The following LPAR5 variants were observed in gnomAD, a reference collection of about 807,000 sequenced individuals.
The protein encoded by LPAR5 is lysophosphatidic acid receptor 5.
For synonymous variants in LPAR5, 271 were observed against 261.6 expected (o/e 1.04, Z -0.35); for missense variants, 544 against 521.8 (o/e 1.04, Z -0.41).
rs530716074 is a variant in LPAR5, at chr12:6,620,419, C to T, written c.830G>A (p.Gly277Glu). Residue 277 changes from glycine (G) to glutamate (E), a missense_variant, in exon 2 of 2, where the codon GGG (glycine) becomes GAG (glutamate). By Grantham distance (98) the Gly-to-Glu change is moderately conservative. Transcript: ENST00000329858. This position sits in a 1 kb window ranked among gnomAD's most constrained non-coding sequence, Gnocchi z 6.8. ...CAGCAGCACCATCACCATCAGCACC[C>T]CGCGCACGCGATCGCGGGCAGGCAC... Reference protein sequence around the residue: ...ASVPARDRVRGVLMVMVLLAG... With the variant: ...ASVPARDRVREVLMVMVLLAG... 111 of 1,608,496 alleles carry T rather than the reference C, an allele frequency of 6.9e-5. 1 individual carries two copies. The South Asian group carries it at 1.2e-3, about 17-fold the overall frequency.
At chr12:6,635,828 C>G (rs546360841) in intron 1 of LPAR5, 79 bp downstream of exon 1, 3 of 152,624 alleles carry the variant, frequency 2.0e-5, no homozygotes, top group East Asian at 1.9e-4. Context: ...TTCTCTGTCC[C>G]CCACCCAAAT....
At chr12:6,629,852 C>T (rs1253373983) in intron 1 of LPAR5, among the ~76,000 whole-genome samples, 2 of 150,224 alleles carry the variant, frequency 1.3e-5, no homozygotes, top group East Asian at 4.0e-4. Flanking sequence ...AGTGAAAACC[C>T]CATCTCTACT....
Position 6,620,552 on chromosome 12 carries a change from C to T in LPAR5, c.697G>A (p.Val233Met), listed in dbSNP as rs377471168. The T allele has an allele frequency of 9.6e-5, 150 of 1,559,364 alleles. No homozygotes were observed. Among genetic ancestry groups the T allele is most frequent in the Non-Finnish European group, 1.3e-4 (146 of 1,152,322 alleles). Reference sequence around the variant, plus strand: ...ACGAGGTTAGCCAGCAGGAGGCGCACGGTCTTCCGCCGCCGCTGGCTCTGC... The same window carrying T: ...ACGAGGTTAGCCAGCAGGAGGCGCATGGTCTTCCGCCGCCGCTGGCTCTGC... ...ATQSQRRRKT[V>M]RLLLANLVIF... Residue 233 changes from valine (V) to methionine (M), a missense_variant, in exon 2 of 2, where the codon GTG (valine) becomes ATG (methionine). Transcript: ENST00000329858. This position sits in a 1 kb window ranked among gnomAD's most constrained non-coding sequence, Gnocchi z 6.8.
chr12:6,620,058 T>G lies in LPAR5; in HGVS notation c.*72A>C. On this transcript the variant is annotated 3_prime_UTR_variant, in exon 2 of 2. Coordinates refer to ENST00000329858, the MANE Select transcript of LPAR5 (RefSeq NM_020400.6). The surrounding 1 kb of genome is among the most constrained non-coding windows in gnomAD (Gnocchi z 6.8). ...CAAGTGCCCAGCCCACCTTCTTGTG[T>G]GTACACCCTGTAAGCCTCCCAGAAC... The G allele has an allele frequency of 6.3e-7, 1 of 1,586,254 alleles. No individual in the cohort carries two copies.
At chr12:6,634,556 C>T (rs1048387525) in intron 1 of LPAR5, among the ~76,000 whole-genome samples, 22 of 151,944 alleles carry the variant, frequency 1.4e-4, no homozygotes, top group African/African-American at 5.3e-4. Flanking sequence ...TAGCTTGAAC[C>T]CAGGAGGCGG....
In LPAR5 at chr12:6,621,191, G is replaced by A; in HGVS notation, c.58C>T (p.Pro20Ser). Residue 20 changes from proline (P) to serine (S), a missense_variant, in exon 2 of 2, where the codon CCT (proline) becomes TCT (serine). Physicochemically the swap from Pro to Ser is moderately conservative, Grantham distance 74. Transcript: ENST00000329858. ...ACCACCAAGTGCAGGCGGTGGGTAG[G>A]TCGGTAGTCAGGACACGGGAGAACA... Reference protein sequence around the residue: ...SSVLPCPDYRPTHRLHLVVYS... With the variant: ...SSVLPCPDYRSTHRLHLVVYS... The A allele has an allele frequency of 1.3e-6, 2 of 1,555,868 alleles. No homozygotes were observed. Among genetic ancestry groups the A allele is most frequent in the Non-Finnish European group, 1.7e-6 (2 of 1,151,566 alleles).
intron 1 of LPAR5, among the ~76,000 whole-genome samples, 197 bp downstream of exon 1, chr12:6,635,710 T>C (rs573135195): frequency 6.6e-6 from 1 of 152,252 alleles, no homozygotes; most frequent in South Asian, 2.1e-4. Context: ...GTAGCAGGCA[T>C]GTTAGCTGTT....
chr12:6,620,869 A>C lies in LPAR5; in HGVS notation c.380T>G (p.Leu127Arg). The C allele has an allele frequency of 1.3e-6, 2 of 1,569,820 alleles. No individual in the cohort carries two copies. The highest frequency in any genetic ancestry group is 1.7e-6 in the Non-Finnish European group (2 of 1,157,324). ...GGGCCGCCGCAGGTGGCGCAGTCGC[A>C]GCGGGTGCACGATGGCGGCGTAGCG... ...VDRYAAIVHPLRLRHLRRPRV... is the reference protein window; with the variant it reads ...VDRYAAIVHPRRLRHLRRPRV... The change falls in exon 2 of 2, where the codon CTG (leucine) becomes CGG (arginine). Residue 127 changes from leucine to arginine, a missense_variant. Leu to Arg is a moderately radical substitution (Grantham distance 102). Coordinates refer to ENST00000329858, the MANE Select transcript of LPAR5 (RefSeq NM_020400.6). The surrounding 1 kb of genome is among the most constrained non-coding windows in gnomAD (Gnocchi z 6.8).
At chr12:6,623,305 G>T (rs907031041) in intron 1 of LPAR5, among the ~76,000 whole-genome samples, 16 of 151,672 alleles carry the variant, frequency 1.1e-4, no homozygotes, top group Non-Finnish European at 2.2e-4. Flanking sequence ...AGGCTGATGT[G>T]GGTGGATTAC....
chr12:6,620,494 C>CTGT lies in LPAR5; in HGVS notation c.752_754dup (p.Asn251dup). On this transcript the variant is annotated inframe_insertion, in exon 2 of 2. Coordinates refer to ENST00000329858, the MANE Select transcript of LPAR5 (RefSeq NM_020400.6). This position sits in a 1 kb window ranked among gnomAD's most constrained non-coding sequence, Gnocchi z 6.8. ...CAGCAGCCCGTAGACCGCCAGCGTGCTGTTGTAGGGCACGAAGCACAGCAG... is the reference window on the plus strand; with the variant it reads ...CAGCAGCCCGTAGACCGCCAGCGTGCTGTTGTTGTAGGGCACGAAGCACAGCAG... 2.5e-6 allele frequency: 4 copies of CTGT among 1,586,810 alleles called. No individual in the cohort carries two copies. The highest frequency in any genetic ancestry group is 3.4e-6 in the Non-Finnish European group (4 of 1,166,404).
intron 1 of LPAR5, among the ~76,000 whole-genome samples, chr12:6,626,282 G>GA (rs1948939308): frequency 6.6e-6 from 1 of 151,952 alleles, no homozygotes; most frequent in South Asian, 2.1e-4. Flanking sequence ...CTCAAAAAAA[G>GA]AAAAAATTTT....
intron 1 of LPAR5, among the ~76,000 whole-genome samples, chr12:6,623,043 G>A (rs1343243695): frequency 6.6e-6 from 1 of 152,074 alleles, no homozygotes; most frequent in East Asian, 1.9e-4. Flanking sequence ...TTCGAGATCA[G>A]CCTGGCCAAC....
rs545465908 is a variant in LPAR5, at chr12:6,620,280, G to T, written c.969C>A (p.Asn323Lys). The change falls in exon 2 of 2, where the codon AAC becomes AAA. Residue 323 changes from asparagine (N) to lysine (K), a missense_variant. Coordinates refer to ENST00000329858, the MANE Select transcript of LPAR5 (RefSeq NM_020400.6). The surrounding 1 kb of genome is among the most constrained non-coding windows in gnomAD (Gnocchi z 6.8). ...ATTGCGCGAGCGCCGCCCGCGTCCC[G>T]TTGGTGGCCGAGGTCCTGGCCCGGT... The part of the protein sequence containing the change: ...TPHRARTSAT[N>K]GTRAALAQSE... The T allele has an allele frequency of 6.2e-7, 1 of 1,606,018 alleles. No homozygotes were observed. The highest frequency in any genetic ancestry group is 1.3e-5 in the African/African-American group (1 of 74,902).
At position 6,621,194 on chromosome 12, in the gene LPAR5, G is replaced by C. The variant is rs752400173; in HGVS notation, c.55C>G (p.Arg19Gly). The C allele has an allele frequency of 6.4e-7, 1 of 1,553,104 alleles. No homozygotes were observed. The highest frequency in any genetic ancestry group is 1.4e-5 in the African/African-American group (1 of 73,030). Residue 19 changes from arginine to glycine, a missense_variant, in exon 2 of 2, where the codon CGA becomes GGA. Transcript: ENST00000329858. ...NSSVLPCPDY[R>G]PTHRLHLVVY... ...ACCAAGTGCAGGCGGTGGGTAGGTC[G>C]GTAGTCAGGACACGGGAGAACAGAA...
At chr12:6,626,958 T>TTCA (rs1948945354) in intron 1 of LPAR5, among the ~76,000 whole-genome samples, 1 of 152,220 alleles carries the variant, frequency 6.6e-6, no homozygotes. Context: ...CCATGGCTTA[T>TTCA]TCATCTTTGT....
rs552696370 is a variant in LPAR5 at position 6,621,000 on chromosome 12, T to C, written c.249A>G (p.Ala83=). Residue 83 remains alanine (A), a synonymous_variant, in exon 2 of 2, where the codon GCA becomes GCG. Coordinates refer to ENST00000329858, the MANE Select transcript of LPAR5 (RefSeq NM_020400.6). The surrounding 1 kb of genome is among the most constrained non-coding windows in gnomAD (Gnocchi z 6.8). ...GGTCGGGGAAGGGCCAGTGGTGCAG[T>C]GCGTAGTAGGAGAGACGAACGGGCA... is the stretch of plus-strand genomic sequence containing the variant. ...LSLPVRLSYY[A]LHHWPFPDLL... is the part of the protein sequence containing the mutation. 6.2e-7 allele frequency: 1 copy of C among 1,613,022 alleles called. No homozygotes were observed. The highest frequency in any genetic ancestry group is 1.3e-5 in the African/African-American group (1 of 74,896).
intron 1 of LPAR5, among the ~76,000 whole-genome samples, chr12:6,629,735 G>A (rs2136244429): frequency 6.6e-6 from 1 of 150,650 alleles, no homozygotes; most frequent in Admixed American, 6.6e-5. Flanking sequence ...CTACTTAAAG[G>A]TAAAGTTAGG....
At position 6,620,928 on chromosome 12, in the gene LPAR5, G is replaced by T; in HGVS notation, c.321C>A (p.Gly107=). 1 of 1,607,026 alleles carries T rather than the reference G, an allele frequency of 6.2e-7. No individual in the cohort carries two copies. The highest frequency in any genetic ancestry group is 8.5e-7 in the Non-Finnish European group (1 of 1,176,966). The change falls in exon 2 of 2, where the codon GGC becomes GGA. Residue 107 remains glycine (G), a synonymous_variant. Transcript: ENST00000329858. The surrounding 1 kb of genome is among the most constrained non-coding windows in gnomAD (Gnocchi z 6.8). ...TGAIFQMNMY[G]SCIFLMLINV... ...TGATGAGCATCAGGAAGATGCAGCT[G>T]CCGTACATGTTCATCTGGAAGATGG...
In LPAR5 at chr12:6,621,106, A is replaced by G; in HGVS notation, c.143T>C (p.Leu48Pro). Reference protein sequence around the residue: ...PLNALALWVFLRALRVHSVVS... With the variant: ...PLNALALWVFPRALRVHSVVS... ...CACCGAGTGCACGCGCAGCGCGCGC[A>G]GGAAGACCCAGAGGGCTAGCGCGTT... Residue 48 changes from leucine to proline, a missense_variant, in exon 2 of 2, where the codon CTG becomes CCG. By Grantham distance (98) the Leu-to-Pro change is moderately conservative (BLOSUM62 -3). Coordinates refer to ENST00000329858, the MANE Select transcript of LPAR5 (RefSeq NM_020400.6). The G allele has an allele frequency of 6.2e-7, 1 of 1,603,644 alleles. No individual in the cohort carries two copies. The highest frequency in any genetic ancestry group is 8.5e-7 in the Non-Finnish European group (1 of 1,174,202).
Sources: allele counts gnomAD v4.1 joint callset (sites outside exome capture counted in the v4.1 genomes callset), GRCh38; gene constraint gnomAD v4.1.1; non-coding constraint Gnocchi (gnomAD v3.1); transcripts MANE v1.5; gene names NCBI Gene and HGNC (gene_info 2026-07-23, HGNC 2026-07-21).